The following MYO5B variants were observed in gnomAD, a reference collection of about 807,000 sequenced individuals.
MYO5B encodes unconventional myosin-Vb.
MYO5B carries 143 observed loss-of-function variants against 229.3 expected under a neutral mutation model. That is an observed-to-expected ratio of 0.62 (90% confidence interval 0.54 to 0.72). The LOEUF (loss-of-function observed/expected upper bound fraction) is 0.72, where lower values mean the gene tolerates loss of function less well. MYO5B is among the 30% of genes least tolerant of loss of function. The pLI is 0.00. For missense variants in MYO5B, 2,321 were observed against 2,331.0 expected, an observed-to-expected ratio of 1.00 and a Z score of 0.09; for synonymous variants, 918 against 885.2, an observed-to-expected ratio of 1.04 and a Z score of -0.66.
intron 1 of MYO5B, among the ~76,000 whole-genome samples, chr18:50,070,541 A>T (rs1338536748): frequency 1.3e-5 from 2 of 151,990 alleles, no homozygotes; most frequent in African/African-American, 4.8e-5. Flanking sequence ...TGCCGCTATA[A>T]CAACATACCA....
chr18:49,929,684 C>A, intron 16 of MYO5B, 86 bp from the exon 17 acceptor site: 1 of 1,215,354 alleles, frequency 8.2e-7, no homozygotes, highest in East Asian at 2.5e-5. Flanking sequence ...GAATCTTTTC[C>A]TGCAGCATGT....
intron 1 of MYO5B, among the ~76,000 whole-genome samples, chr18:50,186,825 G>A (rs1316186104): frequency 2.0e-5 from 3 of 152,094 alleles, no homozygotes; most frequent in Admixed American, 6.6e-5. Context: ...CCAATGTGTC[G>A]GAGCTGAGAG....
chr18:49,878,884 G>GAGA, intron 24 of MYO5B, 61 bp downstream of exon 24: 5 of 1,595,594 alleles, frequency 3.1e-6, no homozygotes, highest in Non-Finnish European at 4.3e-6. Flanking sequence ...AGATCACGTG[G>GAGA]TCAGAAGCTG....
rs573963182 is a variant in MYO5B, at chr18:49,924,427, C to T, written c.2090+5085G>A. Among the ~76,000 whole-genome samples the T allele has an allele frequency of 9.2e-5, 14 of 152,272 alleles. No individual in the cohort carries two copies. The South Asian group carries it at 1.2e-3, about 14-fold the overall frequency. On this transcript the variant is annotated intron_variant, in intron 17 of 39. Transcript: ENST00000285039. ...GATTAATTTACTTCTCCAAGATCAC[C>T]CAGCCAAGAAGTGTGGGAGTCAATA... is the stretch of plus-strand genomic sequence containing the variant.
At chr18:49,877,939 C>T (rs2024545678) in intron 24 of MYO5B, 57 bp from the exon 25 acceptor site, 2 of 1,607,882 alleles carry the variant, frequency 1.2e-6, no homozygotes, top group African/African-American at 1.3e-5. Flanking sequence ...TGAGAATTTA[C>T]CTCCCATGGT....
intron 1 of MYO5B, among the ~76,000 whole-genome samples, chr18:50,107,652 C>T (rs924131257): frequency 6.6e-6 from 1 of 152,142 alleles, no homozygotes; most frequent in African/African-American, 2.4e-5. Context: ...GCACTGTTTC[C>T]GGTTTTCATG....
chr18:50,191,808 G>C (rs1489940461), intron 1 of MYO5B, among the ~76,000 whole-genome samples: 1 of 152,296 alleles, frequency 6.6e-6, no homozygotes, highest in East Asian at 1.9e-4. Context: ...ATGGGATCTA[G>C]AACAGGGTCT....
At chr18:50,039,426 G>A (rs1022788731) in intron 3 of MYO5B, among the ~76,000 whole-genome samples, 3 of 152,140 alleles carry the variant, frequency 2.0e-5, no homozygotes, top group East Asian at 3.9e-4. Context: ...CCGACTCCCC[G>A]GTTCAAGCGA....
intron 1 of MYO5B, among the ~76,000 whole-genome samples, chr18:50,166,665 A>AC (rs1568130908): frequency 6.6e-6 from 1 of 151,220 alleles, no homozygotes; most frequent in Non-Finnish European, 1.5e-5. Context: ...GCCACTCCCC[A>AC]CCCCCCGCCT....
chr18:50,027,099 A>G (rs1430423080), intron 4 of MYO5B, among the ~76,000 whole-genome samples: 1 of 152,232 alleles, frequency 6.6e-6, no homozygotes, highest in Non-Finnish European at 1.5e-5. Flanking sequence ...AGAGTGGTTA[A>G]CACAGCATGA....
intron 18 of MYO5B, 23 bp from the exon 19 acceptor site, chr18:49,906,653 CTGGT>C: frequency 2.5e-6 from 4 of 1,598,716 alleles, no homozygotes; most frequent in Non-Finnish European, 3.4e-6. Context: ...GGGAGGGGAT[CTGGT>C]TGGTCACCAG....
chr18:49,989,716 T>C (rs570480285), intron 7 of MYO5B, among the ~76,000 whole-genome samples: 1 of 152,250 alleles, frequency 6.6e-6, no homozygotes, highest in Non-Finnish European at 1.5e-5. Context: ...TCAAAGCAAA[T>C]GAAACTTGCT....
chr18:49,936,130 A>C, intron 16 of MYO5B, 122 bp downstream of exon 16: 1 of 786,194 alleles, frequency 1.3e-6, no homozygotes, highest in Non-Finnish European at 2.2e-6. Flanking sequence ...ATGTCTGGGG[A>C]GTGTAAGTCC....
intron 1 of MYO5B, among the ~76,000 whole-genome samples, chr18:50,191,691 T>C (rs868148572): frequency 7.2e-5 from 11 of 152,222 alleles, no homozygotes; most frequent in Middle Eastern, 3.2e-3. Context: ...ATGAGCACTA[T>C]TTCAAGGTCA....
intron 1 of MYO5B, among the ~76,000 whole-genome samples, chr18:50,096,822 G>A (rs183518734): frequency 1.3e-5 from 2 of 152,088 alleles, no homozygotes; most frequent in East Asian, 3.9e-4. Context: ...CTTCCTGCTG[G>A]AGCTCCCTAG....
intron 17 of MYO5B, among the ~76,000 whole-genome samples, chr18:49,927,482 T>C (rs1361269959): frequency 2.0e-5 from 3 of 152,058 alleles, no homozygotes; most frequent in African/African-American, 7.2e-5. Flanking sequence ...CACAATACAT[T>C]ACCCAACTTC....
chr18:50,022,992 C>A (rs2026293212), intron 4 of MYO5B, among the ~76,000 whole-genome samples: 1 of 152,112 alleles, frequency 6.6e-6, no homozygotes, highest in South Asian at 2.1e-4. Flanking sequence ...AACTGACAAA[C>A]CCATAGATGG....
intron 30 of MYO5B, among the ~76,000 whole-genome samples, chr18:49,856,562 T>C (rs1473870194): frequency 2.6e-5 from 4 of 152,202 alleles, no homozygotes; most frequent in African/African-American, 7.2e-5. Flanking sequence ...TCTTCACCTA[T>C]AGAACAAGTA....
intron 12 of MYO5B, among the ~76,000 whole-genome samples, chr18:49,961,856 C>A (rs2025563211): frequency 6.6e-6 from 1 of 152,212 alleles, no homozygotes; most frequent in Non-Finnish European, 1.5e-5. Flanking sequence ...CACCTGCCAC[C>A]ATGCCATGCA....
Sources: allele counts gnomAD v4.1 joint callset (sites outside exome capture counted in the v4.1 genomes callset), GRCh38; gene constraint gnomAD v4.1.1; transcripts MANE v1.5; gene names NCBI Gene and HGNC (gene_info 2026-07-23, HGNC 2026-07-21).